ROBO2: variants seen among roughly 807,000 people sequenced by gnomAD.
ROBO2 encodes the protein roundabout homolog 2.
ROBO2 carries 53 observed loss-of-function variants against 160.8 expected under a neutral mutation model. That is an observed-to-expected ratio of 0.33 (90% CI 0.26 to 0.41). The LOEUF (loss-of-function observed/expected upper bound fraction) is 0.41. ROBO2 is among the 10% of genes least tolerant of loss of function. The pLI is 1.00. For missense variants in ROBO2, 1,577 were observed against 1,722.4 expected, an observed-to-expected ratio of 0.92 and a Z score of 1.49; for synonymous variants, 664 against 611.7, an observed-to-expected ratio of 1.09 and a Z score of -1.26.
chr3:76,629,301 A>G (rs535582293), intron 2 of ROBO2, among the ~76,000 whole-genome samples: 1 of 152,180 alleles, frequency 6.6e-6, no homozygotes, highest in African/African-American at 2.4e-5. Flanking sequence ...TTCCAACTGC[A>G]TTAGTCAGGG....
chr3:76,371,610 TTACTC>T (rs1406815797), intron 2 of ROBO2, among the ~76,000 whole-genome samples: 10 of 152,096 alleles, frequency 6.6e-5, no homozygotes, highest in South Asian at 4.1e-4. Context: ...TATCAAATGT[TTACTC>T]TAGTATTTGA....
intron 1 of ROBO2, among the ~76,000 whole-genome samples, chr3:77,081,723 A>T (rs1263836540): frequency 1.3e-5 from 2 of 152,186 alleles, no homozygotes; most frequent in Admixed American, 6.5e-5. Context: ...ATGAGCAATG[A>T]GCTCTTCAGG....
chr3:76,119,010 G>A (rs2070602672), intron 2 of ROBO2, among the ~76,000 whole-genome samples: 1 of 152,044 alleles, frequency 6.6e-6, no homozygotes, highest in African/African-American at 2.4e-5. Context: ...TTCTTCAGTT[G>A]CTTTCTTTAA....
Position 76,744,086 on chromosome 3 carries a change from G to A in ROBO2, c.110-353928G>A, listed in dbSNP as rs146704546. On this transcript the variant is annotated intron_variant, in intron 2 of 26. Coordinates refer to the ROBO2 transcript ENST00000487694. ...AACATCAGCAGATTAGGGAGGAAGAGCTCATACCAGAGTACCACTAGTTAA... is the reference window on the plus strand; with the variant it reads ...AACATCAGCAGATTAGGGAGGAAGAACTCATACCAGAGTACCACTAGTTAA... 6.5e-3 allele frequency among the ~76,000 whole-genome samples: 992 copies of A among 152,298 alleles called. 6 individuals carry two copies. The highest frequency in any genetic ancestry group is 0.024 in the Middle Eastern group (7 of 292).
chr3:77,625,942 AT>A (rs1460635054), intron 23 of ROBO2, among the ~76,000 whole-genome samples: 11 of 152,234 alleles, frequency 7.2e-5, no homozygotes, highest in African/African-American at 2.6e-4. Context: ...TATTATTTTC[AT>A]TTAATAGATT....
At chr3:76,467,957 A>G (rs1239845780) in intron 2 of ROBO2, among the ~76,000 whole-genome samples, 1 of 152,164 alleles carries the variant, frequency 6.6e-6, no homozygotes, top group African/African-American at 2.4e-5. Flanking sequence ...TTTCTTCTAA[A>G]TATGAGCTTA....
In ROBO2 at chr3:77,427,257, G is replaced by T. The variant is rs561313729; in HGVS notation, c.389-50157G>T. Among the ~76,000 whole-genome samples, 5 of 152,298 alleles carry T rather than the reference G, an allele frequency of 3.3e-5. No homozygotes were observed. The South Asian group carries it at 1.0e-3, about 32-fold the overall frequency. ...AGCATTGTCAGACCACAGAACGCTT[G>T]CTACTGAAAACACAGGGCTGAATTA... On this transcript the variant is annotated intron_variant, in intron 2 of 25. Coordinates refer to ENST00000461745, the Ensembl canonical transcript of ROBO2.
At chr3:76,807,418 T>C (rs1229874500) in intron 2 of ROBO2, among the ~76,000 whole-genome samples, 2 of 152,198 alleles carry the variant, frequency 1.3e-5, no homozygotes, top group Non-Finnish European at 2.9e-5. Flanking sequence ...TTTTAAAAAC[T>C]CTTCATTTAT....
At chr3:77,610,486 G>C (rs1187241116) in intron 21 of ROBO2, among the ~76,000 whole-genome samples, 1 of 151,918 alleles carries the variant, frequency 6.6e-6, no homozygotes, top group Non-Finnish European at 1.5e-5. Flanking sequence ...ATATACCAGG[G>C]AAGCCAGGGG....
chr3:77,573,444 G>A (rs937930612), intron 13 of ROBO2, among the ~76,000 whole-genome samples: 143 of 151,998 alleles, frequency 9.4e-4, no homozygotes, highest in Middle Eastern at 3.4e-3. Context: ...TTTAATCTTA[G>A]ATTATTATTT....
intron 2 of ROBO2, chr3:77,316,675 A>G (rs2064025973): frequency 1.4e-6 from 1 of 704,250 alleles, no homozygotes; most frequent in African/African-American, 1.8e-5. Flanking sequence ...CAGTCATACA[A>G]TATTAAAAGG....
intron 2 of ROBO2, among the ~76,000 whole-genome samples, chr3:76,445,515 G>A (rs2077134331): frequency 6.6e-6 from 1 of 152,154 alleles, no homozygotes; most frequent in Admixed American, 6.5e-5. Flanking sequence ...TAGAAAAAGA[G>A]GGAATCCTCC....
intron 2 of ROBO2, among the ~76,000 whole-genome samples, chr3:77,253,737 A>G (rs937134221): frequency 1.3e-5 from 2 of 152,216 alleles, no homozygotes; most frequent in Non-Finnish European, 2.9e-5. Context: ...TATTTGGGTC[A>G]TTTCCATAAA....
chr3:77,286,214 C>A (rs1000325388), intron 2 of ROBO2, among the ~76,000 whole-genome samples: 3 of 151,364 alleles, frequency 2.0e-5, no homozygotes, highest in Non-Finnish European at 4.4e-5. Context: ...GTTTAAAATA[C>A]CCCCAAAAGT....
rs1031377 is a variant in ROBO2, at chr3:77,647,271, C to T, written c.*1216C>T. 0.58 allele frequency: 88,279 copies of T among 151,768 alleles called. 25,883 individuals are homozygous for T. Among genetic ancestry groups the T allele is most frequent in the Admixed American group, 0.65 (9,879 of 15,226 alleles). 9.4% of individuals were successfully genotyped at this position (151,768 alleles called of 1,614,324 possible). A position where few individuals can be genotyped will look rare whatever the true frequency, so the allele number is the denominator to read the frequency against. Reference sequence around the variant, plus strand: ...TTATTTGATTAAGAAGTGAAGTTTACGCCACCCAATGTATAGCCAAATTGT... The same window carrying T: ...TTATTTGATTAAGAAGTGAAGTTTATGCCACCCAATGTATAGCCAAATTGT... On this transcript the variant is annotated 3_prime_UTR_variant, in exon 26 of 26. Coordinates refer to ENST00000461745, the Ensembl canonical transcript of ROBO2.
intron 2 of ROBO2, among the ~76,000 whole-genome samples, chr3:76,211,666 C>T (rs1474532581): frequency 6.6e-6 from 1 of 151,968 alleles, no homozygotes; most frequent in Non-Finnish European, 1.5e-5. Context: ...GTTCAGATGC[C>T]ATACAGACTT....
chr3:76,315,356 C>T (rs1306924244), intron 2 of ROBO2, among the ~76,000 whole-genome samples: 1 of 152,158 alleles, frequency 6.6e-6, no homozygotes, highest in Non-Finnish European at 1.5e-5. Flanking sequence ...AGCCAGTTAT[C>T]TAATATATAT....
intron 2 of ROBO2, among the ~76,000 whole-genome samples, chr3:76,022,606 T>C (rs2066606756): frequency 6.6e-6 from 1 of 151,738 alleles, no homozygotes; most frequent in Non-Finnish European, 1.5e-5. Flanking sequence ...AACAGCAATA[T>C]TTTGAAAGGA....
intron 8 of ROBO2, among the ~76,000 whole-genome samples, chr3:77,557,218 C>G (rs1036337215): frequency 2.0e-5 from 3 of 151,858 alleles, no homozygotes; most frequent in African/African-American, 7.2e-5. Context: ...TCCAAATGAA[C>G]ACAACAATTG....
Sources: gnomAD v4.1 joint callset for allele counts (sites outside exome capture counted in the v4.1 genomes callset) on GRCh38, gnomAD v4.1.1 for gene constraint, MANE v1.5 for transcripts, NCBI Gene and HGNC (gene_info 2026-07-23, HGNC 2026-07-21) for gene names.